PPP1R12A: variants seen among roughly 807,000 people sequenced by gnomAD.
PPP1R12A encodes the protein myosin binding subunit.
A neutral mutation model predicts 139.6 loss-of-function variants in PPP1R12A; 19 were observed. The ratio of observed to expected loss-of-function variants is 0.14; its 90% CI spans 0.09 to 0.20. PPP1R12A has a LOEUF of 0.20. Ranked by LOEUF, PPP1R12A falls within the 10% of genes least tolerant of loss-of-function variation. PPP1R12A has a pLI of 1.00. For missense variants in PPP1R12A, 925 were observed against 1,211.5 expected (o/e 0.76, Z 3.51); for synonymous variants, 427 against 420.6 (o/e 1.02, Z -0.19).
At chr12:79,919,923 A>T (rs1476844424) in intron 1 of PPP1R12A, among the ~76,000 whole-genome samples, 1 of 152,248 alleles carries the variant, frequency 6.6e-6, no homozygotes, top group Non-Finnish European at 1.5e-5. Context: ...TAACCCATTT[A>T]AAGTGTACAA....
At chr12:79,777,516 A>T in intron 24 of PPP1R12A, 1 of 985,352 alleles carries the variant, frequency 1.0e-6, no homozygotes, top group Non-Finnish European at 1.2e-6. Flanking sequence ...TGAAACTAAA[A>T]ATTATAGGTT....
chr12:79,902,533 CAA>C (rs1001522162), intron 1 of PPP1R12A, among the ~76,000 whole-genome samples: 8 of 151,948 alleles, frequency 5.3e-5, no homozygotes, highest in African/African-American at 1.9e-4. Flanking sequence ...TACCAGTTTT[CAA>C]AGAGATTTTT....
At chr12:79,882,178 A>G (rs1415296114) in intron 1 of PPP1R12A, among the ~76,000 whole-genome samples, 9 of 152,364 alleles carry the variant, frequency 5.9e-5, no homozygotes, top group African/African-American at 2.2e-4. Context: ...TTTAAAAAAT[A>G]CATTTTGTAA....
chr12:79,857,155 C>A (rs1395394574), intron 2 of PPP1R12A, among the ~76,000 whole-genome samples: 1 of 152,056 alleles, frequency 6.6e-6, no homozygotes, highest in Non-Finnish European at 1.5e-5. Flanking sequence ...CGGCATTATT[C>A]ACAATAGCAA....
intron 1 of PPP1R12A, among the ~76,000 whole-genome samples, chr12:79,908,397 T>G (rs950714264): frequency 6.6e-6 from 1 of 152,218 alleles, no homozygotes; most frequent in Non-Finnish European, 1.5e-5. Context: ...AAGACCCAAA[T>G]GCCTTTGAAT....
Position 79,775,734 on chromosome 12 carries a change from AAAC to A in PPP1R12A, c.*192_*194del. On this transcript the variant is annotated 3_prime_UTR_variant, in exon 25 of 25. Transcript: ENST00000450142. ...GTCTTGATTAAAAAAAAAAAACAAA[AAAC>A]AAACCAACAACAACAAAAACACCCC... The A allele has an allele frequency of 2.5e-6, 1 of 402,008 alleles. No individual in the cohort carries two copies. Among genetic ancestry groups the A allele is most frequent in the Non-Finnish European group, 4.4e-6 (1 of 226,750 alleles). The allele number at this position is 402,008 out of a possible 1,614,324, so 24.9% of individuals were successfully genotyped here. A position where few individuals can be genotyped will look rare whatever the true frequency, so the allele number is the denominator to read the frequency against.
At chr12:79,875,512 A>G (rs1441408801) in intron 1 of PPP1R12A, among the ~76,000 whole-genome samples, 1 of 152,166 alleles carries the variant, frequency 6.6e-6, no homozygotes, top group East Asian at 1.9e-4. Flanking sequence ...CCTATTTCCT[A>G]TCTATGATAA....
intron 3 of PPP1R12A, among the ~76,000 whole-genome samples, chr12:79,832,825 A>G (rs1480911018): frequency 6.6e-6 from 1 of 152,078 alleles, no homozygotes; most frequent in African/African-American, 2.4e-5. Context: ...AACAATTATA[A>G]TGAATAAGTC....
chr12:79,875,450 T>A (rs1008396071), intron 1 of PPP1R12A, among the ~76,000 whole-genome samples: 1 of 152,210 alleles, frequency 6.6e-6, no homozygotes. Context: ...AGAGGGCAAG[T>A]GGCCTCTTTT....
In PPP1R12A at chr12:79,817,531, A is replaced by G; in HGVS notation, c.1115-13T>C. The G allele has an allele frequency of 1.3e-6, 2 of 1,564,230 alleles. No homozygotes were observed. The highest frequency in any genetic ancestry group is 8.7e-7 in the Non-Finnish European group (1 of 1,152,428). ...GGTTTTGTCTTATCTATTAAAGACA[A>G]ACAATTAAGAGTCAAGATTCCATAT... On this transcript the variant is annotated splice_polypyrimidine_tract_variant and intron_variant, in intron 8 of 24. Transcript: ENST00000450142.
intron 4 of PPP1R12A, among the ~76,000 whole-genome samples, chr12:79,828,823 G>C (rs1329255815): frequency 6.6e-6 from 1 of 152,134 alleles, no homozygotes; most frequent in East Asian, 1.9e-4. Flanking sequence ...GAATCACTTT[G>C]TATGTAAAAC....
intron 22 of PPP1R12A, among the ~76,000 whole-genome samples, chr12:79,784,277 CATT>C (rs1437072788): frequency 1.3e-5 from 2 of 152,174 alleles, no homozygotes; most frequent in African/African-American, 4.8e-5. Context: ...TTATACTTCT[CATT>C]ATTAACTCAG....
At chr12:79,893,520 AATGCTGAAGGAAAGAAACCTT>A (rs1884852500) in intron 1 of PPP1R12A, among the ~76,000 whole-genome samples, 1 of 152,200 alleles carries the variant, frequency 6.6e-6, no homozygotes, top group African/African-American at 2.4e-5. Context: ...ACAGTAATCA[AATGCTGAAGGAAAGAAACCTT>A]GTCTACAAGT....
chr12:79,789,263 A>T (rs927277203), intron 20 of PPP1R12A, among the ~76,000 whole-genome samples: 1 of 152,156 alleles, frequency 6.6e-6, no homozygotes, highest in Admixed American at 6.5e-5. Flanking sequence ...ATTTCCATTA[A>T]TTGAGGAAGA....
intron 24 of PPP1R12A, chr12:79,777,606 T>G: frequency 1.0e-6 from 1 of 985,330 alleles, no homozygotes; most frequent in Non-Finnish European, 1.2e-6. Flanking sequence ...CAGCAGTCGC[T>G]CATTTAACTC....
chr12:79,876,968 G>A lies in PPP1R12A; in HGVS notation c.238-4030C>T, dbSNP rs867753602. 6.6e-5 allele frequency among the ~76,000 whole-genome samples: 10 copies of A among 152,134 alleles called. 1 individual carries two copies. In the South Asian group the frequency reaches 2.1e-3, roughly 32 times the overall value. On this transcript the variant is annotated intron_variant, in intron 1 of 24. Coordinates refer to ENST00000450142, the MANE Select transcript of PPP1R12A (RefSeq NM_002480.3). ...AGAGGTTGCAATGAGCCGAGATCAT[G>A]CCACTGCACTCCAGCCTGGGCAACA...
intron 8 of PPP1R12A, chr12:79,819,120 A>C (rs1189236608): frequency 2.6e-5 from 4 of 152,224 alleles, no homozygotes; most frequent in Admixed American, 2.6e-4. Flanking sequence ...GGAACATTTA[A>C]AGTTAGCTCA....
intron 9 of PPP1R12A, among the ~76,000 whole-genome samples, chr12:79,815,980 GA>G (rs202042711): frequency 1.8e-5 from 1 of 55,812 alleles, no homozygotes; most frequent in Non-Finnish European, 1.0e-4. Flanking sequence ...TAACAGCAGG[GA>G]TTTTTTTTTT....
intron 4 of PPP1R12A, among the ~76,000 whole-genome samples, chr12:79,829,450 C>T (rs954406482): frequency 4.6e-5 from 7 of 152,014 alleles, no homozygotes; most frequent in South Asian, 4.1e-4. Context: ...ATCCTGCCTC[C>T]GTAACGGAAC....
Sources: allele counts gnomAD v4.1 joint callset (sites outside exome capture counted in the v4.1 genomes callset), GRCh38; gene constraint gnomAD v4.1.1; transcripts MANE v1.5; gene names NCBI Gene and HGNC (gene_info 2026-07-23, HGNC 2026-07-21).